TBC1D1: variants seen among roughly 807,000 people sequenced by gnomAD.
TBC1D1 encodes the protein TBC1 (tre-2/USP6, BUB2, cdc16) domain family, member 1.
A neutral mutation model predicts 125.6 loss-of-function variants in TBC1D1; 89 were observed. The observed-to-expected ratio is 0.71, with a 90% CI of 0.60 to 0.85. The LOEUF (loss-of-function observed/expected upper bound fraction) is 0.85. TBC1D1 is among the 40% of genes least tolerant of loss of function. The probability of loss-of-function intolerance (pLI) is 0.00; values close to 1 mark genes in which losing one functional copy is unlikely to be tolerated. For missense variants in TBC1D1, 1,377 were observed against 1,469.2 expected (o/e 0.94, Z 1.03); for synonymous variants, 565 against 564.1 (o/e 1.00, Z -0.02).
intron 1 of TBC1D1, among the ~76,000 whole-genome samples, chr4:37,901,067 G>T (rs1322019677): frequency 5.3e-5 from 6 of 113,710 alleles, no homozygotes; most frequent in Admixed American, 8.3e-5. Flanking sequence ...GCGAGACTCT[G>T]TCTCAAAAAA....
intron 2 of TBC1D1, among the ~76,000 whole-genome samples, chr4:37,925,740 G>GA (rs34113917): frequency 0.12 from 18,470 of 149,748 alleles, 1,216 homozygotes; most frequent in Admixed American, 0.18. Flanking sequence ...AGACAATTTG[G>GA]AAAAAAATAG....
chr4:37,961,047 T>A, intron 2 of TBC1D1: 4 of 1,609,066 alleles, frequency 2.5e-6, no homozygotes, highest in Non-Finnish European at 3.4e-6. Context: ...ATATTTAAAT[T>A]TCTTAGTGCT....
At chr4:38,119,844 A>T (rs1357479528) in intron 17 of TBC1D1, 1 of 554,344 alleles carries the variant, frequency 1.8e-6, no homozygotes, top group Non-Finnish European at 2.3e-6. Flanking sequence ...CTACCAAGGC[A>T]ACCAGGCTGA....
Position 38,080,746 on chromosome 4 carries a change from G to A in TBC1D1, c.2051-9186G>A, listed in dbSNP as rs116134264. Among the ~76,000 whole-genome samples the A allele has an allele frequency of 3.6e-3, 541 of 151,808 alleles. 1 individual carries two copies. The highest frequency in any genetic ancestry group is 0.012 in the African/African-American group (500 of 41,364). On this transcript the variant is annotated intron_variant, in intron 12 of 19. Transcript: ENST00000261439. ...CTGCACAGCCGCCCTCTGCACTCTC[G>A]CCACCTTATGGGCTGCCCTTGACCC...
chr4:38,038,112 A>C (rs1747575541), intron 8 of TBC1D1, among the ~76,000 whole-genome samples: 1 of 152,184 alleles, frequency 6.6e-6, no homozygotes, highest in African/African-American at 2.4e-5. Context: ...TAGATGAGGA[A>C]ATGGGGAAGA....
intron 2 of TBC1D1, among the ~76,000 whole-genome samples, chr4:37,949,482 C>G: frequency 6.6e-6 from 1 of 152,186 alleles, no homozygotes; most frequent in East Asian, 1.9e-4. Context: ...GCGGTGCCTG[C>G]CTCCAAGTTC....
chr4:38,134,164 AAG>A (rs1766076883), intron 19 of TBC1D1, among the ~76,000 whole-genome samples: 1 of 152,198 alleles, frequency 6.6e-6, no homozygotes. Flanking sequence ...TCCTGAGAAT[AAG>A]TTCCATTCTG....
At chr4:38,065,605 A>G (rs993960401) in intron 12 of TBC1D1, among the ~76,000 whole-genome samples, 2 of 150,180 alleles carry the variant, frequency 1.3e-5, no homozygotes, top group African/African-American at 4.9e-5. Flanking sequence ...TGTGTTTTTC[A>G]CTTTTACACA....
chr4:37,965,858 C>A (rs1730959902), intron 2 of TBC1D1, among the ~76,000 whole-genome samples: 1 of 152,150 alleles, frequency 6.6e-6, no homozygotes, highest in Admixed American at 6.5e-5. Flanking sequence ...TCAAGCGATT[C>A]TCCTGCCTCA....
At chr4:38,041,286 A>T (rs1578391984) in intron 8 of TBC1D1, among the ~76,000 whole-genome samples, 1 of 152,266 alleles carries the variant, frequency 6.6e-6, no homozygotes, top group East Asian at 1.9e-4. Context: ...GGAACATTTT[A>T]TGCCCATTAG....
chr4:38,131,477 G>A (rs939183396), intron 18 of TBC1D1, among the ~76,000 whole-genome samples: 2 of 152,162 alleles, frequency 1.3e-5, no homozygotes, highest in Non-Finnish European at 2.9e-5. Flanking sequence ...TTTGTGGCAG[G>A]TGTGTGGAAG....
At chr4:38,116,086 CTG>C (rs1162465137) in intron 16 of TBC1D1, 132 bp downstream of exon 18, 1 of 939,564 alleles carries the variant, frequency 1.1e-6, no homozygotes, top group Non-Finnish European at 1.6e-6. Context: ...ATAAAGGACT[CTG>C]TGCTAGGCAT....
chr4:37,909,957 G>T (rs1306384275), intron 2 of TBC1D1, among the ~76,000 whole-genome samples: 1 of 152,194 alleles, frequency 6.6e-6, no homozygotes, highest in Non-Finnish European at 1.5e-5. Context: ...TCTATAAAAA[G>T]AATGTCCGGG....
In TBC1D1 at chr4:37,895,064, T is replaced by C. The variant is rs4832741; in HGVS notation, c.-94+3716T>C. 0.04 allele frequency among the ~76,000 whole-genome samples: 6,114 copies of C among 152,298 alleles called. 626 individuals are homozygous for C. In the East Asian group the frequency reaches 0.4, roughly 10 times the overall value. On this transcript the variant is annotated intron_variant, in intron 1 of 19. Transcript: ENST00000261439. The stretch of plus-strand genomic sequence containing the variant: ...AACAGATATTGCTCTAGCAAAGTGG[T>C]TAAGAGCAAGCAAACTCTGGAGCCA...
intron 16 of TBC1D1, among the ~76,000 whole-genome samples, chr4:38,117,078 G>T (rs1451809540): frequency 6.6e-6 from 1 of 152,170 alleles, no homozygotes; most frequent in East Asian, 1.9e-4. Context: ...TGGAATTTTT[G>T]AGTTTTCTAT....
intron 6 of TBC1D1, among the ~76,000 whole-genome samples, chr4:38,024,164 T>A (rs34274296): frequency 0.059 from 9,051 of 152,326 alleles, 287 homozygotes; most frequent in East Asian, 0.12. Flanking sequence ...TCAACTGTGT[T>A]TTCCACGTTG....
chr4:37,950,598 TC>T (rs1252145244), intron 2 of TBC1D1, among the ~76,000 whole-genome samples: 7 of 27,046 alleles, frequency 2.6e-4, no homozygotes, highest in Non-Finnish European at 5.3e-4. Context: ...ATGCACAGCC[TC>T]CCCCAATAGC....
intron 2 of TBC1D1, among the ~76,000 whole-genome samples, chr4:37,935,372 A>G (rs949114503): frequency 6.6e-6 from 1 of 152,178 alleles, no homozygotes; most frequent in African/African-American, 2.4e-5. Flanking sequence ...TTTCTCTTCA[A>G]CATTTTGTTT....
At chr4:38,067,322 T>A (rs1468907275) in intron 12 of TBC1D1, among the ~76,000 whole-genome samples, 1 of 152,260 alleles carries the variant, frequency 6.6e-6, no homozygotes, top group African/African-American at 2.4e-5. Flanking sequence ...ATGGTTTGTT[T>A]CCTGTTCAGG....
Sources: gnomAD v4.1 joint callset for allele counts (sites outside exome capture counted in the v4.1 genomes callset) on GRCh38, gnomAD v4.1.1 for gene constraint, MANE v1.5 for transcripts, NCBI Gene and HGNC (gene_info 2026-07-23, HGNC 2026-07-21) for gene names.